Variants in STS observed in about 807,000 individuals in gnomAD.
The protein encoded by STS is steroid sulfatase, also known as steryl-sulfatase.
Under a neutral mutation model 26.8 loss-of-function variants are expected in STS, and 7 were observed. The ratio of observed to expected loss-of-function variants is 0.26; its 90% CI spans 0.15 to 0.49. The LOEUF (loss-of-function observed/expected upper bound fraction) is 0.49, where lower values mean the gene tolerates loss of function less well. STS is among the 20% of genes least tolerant of loss of function. The pLI is 0.98. For synonymous variants in STS, 199 were observed against 189.4 expected (o/e 1.05, Z -0.42); for missense variants, 434 against 465.6 (o/e 0.93, Z 0.63).
At chrX:7,161,969 T>C (rs934186236) in intron 1 of STS, among the ~76,000 whole-genome samples, 10 of 111,556 alleles carry the variant, frequency 9.0e-5, no homozygotes, top group African/African-American at 2.9e-4. Flanking sequence ...GACAGAAATC[T>C]AAAAGCTTTC....
chrX:7,221,937 A>G (rs1358594837), intron 2 of STS, among the ~76,000 whole-genome samples: 1 of 111,266 alleles, frequency 9.0e-6, no homozygotes, highest in Non-Finnish European at 1.9e-5. Flanking sequence ...AACCCCCAAA[A>G]TGATGGTATT....
At chrX:7,251,123 A>G (rs1418432527) in intron 2 of STS, among the ~76,000 whole-genome samples, 3 of 111,927 alleles carry the variant, frequency 2.7e-5, no homozygotes, top group African/African-American at 9.8e-5. Flanking sequence ...GGAGGGGTGC[A>G]AGCTCTTGGC....
At chrX:7,190,140 T>C (rs1276011866) in intron 1 of STS, among the ~76,000 whole-genome samples, 1 of 110,605 alleles carries the variant, frequency 9.0e-6, no homozygotes, top group African/African-American at 3.3e-5. Flanking sequence ...ATGAAGTAAT[T>C]ATACAACTCA....
chrX:7,160,095 G>A (rs771662928), intron 1 of STS, among the ~76,000 whole-genome samples: 1 of 111,920 alleles, frequency 8.9e-6, no homozygotes, highest in Non-Finnish European at 1.9e-5. Flanking sequence ...TTTCTTCTCT[G>A]CTGCTAAGAT....
chrX:7,242,349 A>G (rs1973842184), intron 2 of STS, among the ~76,000 whole-genome samples: 1 of 110,540 alleles, frequency 9.0e-6, no homozygotes, highest in Non-Finnish European at 1.9e-5. Flanking sequence ...AATAACTATA[A>G]TGAACAACTA....
At chrX:7,192,884 C>T (rs1601641058) in intron 2 of STS, among the ~76,000 whole-genome samples, 1 of 112,371 alleles carries the variant, frequency 8.9e-6, no homozygotes, top group African/African-American at 3.2e-5. Flanking sequence ...CTAACCATCC[C>T]ACGGTGCACC....
intron 2 of STS, among the ~76,000 whole-genome samples, chrX:7,219,987 T>C (rs1410081463): frequency 1.8e-5 from 2 of 112,475 alleles, no homozygotes; most frequent in African/African-American, 6.5e-5. Context: ...TGCCAAATTA[T>C]TTGTTAATTA....
chrX:7,225,713 C>A (rs1377107532), intron 2 of STS, among the ~76,000 whole-genome samples: 1 of 111,847 alleles, frequency 8.9e-6, no homozygotes, highest in Non-Finnish European at 1.9e-5. Context: ...GGGTGAGAAC[C>A]CTCCCCAAAT....
In STS at chrX:7,153,100, G is replaced by T. The variant is rs1199608388; in HGVS notation, c.-134+5017G>T. Among the ~76,000 whole-genome samples the T allele has an allele frequency of 3.6e-5, 4 of 111,709 alleles. No individual in the cohort carries two copies. In the East Asian group the frequency reaches 8.5e-4, roughly 24 times the overall value. On this transcript the variant is annotated intron_variant, in intron 1 of 10. Transcript: ENST00000674429. ...GTCCTGCCAGGATTCTCACTGACTAGACATGACTGGACATCTGAGAGAGGG... is the reference window on the plus strand; with the variant it reads ...GTCCTGCCAGGATTCTCACTGACTATACATGACTGGACATCTGAGAGAGGG...
At chrX:7,245,414 A>T (rs377219851) in intron 2 of STS, among the ~76,000 whole-genome samples, 5 of 112,073 alleles carry the variant, frequency 4.5e-5, no homozygotes, top group African/African-American at 1.3e-4. Flanking sequence ...ATAAACATAC[A>T]TTTTTGATTT....
At chrX:7,228,523 T>C (rs1183022068) in intron 2 of STS, among the ~76,000 whole-genome samples, 2 of 112,373 alleles carry the variant, frequency 1.8e-5, no homozygotes, top group Non-Finnish European at 3.8e-5. Flanking sequence ...CATTTGTATG[T>C]GTTCTTCGGA....
chrX:7,324,155 G>T (rs1927235636), intron 8 of STS, among the ~76,000 whole-genome samples: 1 of 108,730 alleles, frequency 9.2e-6, no homozygotes, highest in Non-Finnish European at 1.9e-5. Flanking sequence ...AAGGTAGCAT[G>T]AGTCAAAATC....
chrX:7,219,795 T>C, intron 2 of STS: 1 of 916,920 alleles, frequency 1.1e-6, no homozygotes, highest in Non-Finnish European at 1.6e-6. Flanking sequence ...CCAACATGTG[T>C]TGTCTTGTTC....
At chrX:7,154,210 A>C (rs1933087382) in intron 1 of STS, among the ~76,000 whole-genome samples, 1 of 111,902 alleles carries the variant, frequency 8.9e-6, no homozygotes, top group Admixed American at 9.5e-5. Flanking sequence ...GGAGCTCACC[A>C]CGCAGAGAGC....
In STS at chrX:7,349,971, T is replaced by C; in HGVS notation, c.1447T>C (p.Phe483Leu). ...SNGCFATHVCFCFGSYVTHHD... is the reference protein window; with the variant it reads ...SNGCFATHVCLCFGSYVTHHD... ...CGGATGCTTTGCCACACACGTGTGC[T>C]TCTGTTTCGGGAGTTATGTCACCCA... The change falls in exon 11 of 11, where the codon TTC (phenylalanine) becomes CTC (leucine). Residue 483 changes from phenylalanine (F) to leucine (L), a missense_variant. By Grantham distance (22) the Phe-to-Leu change is conservative. Coordinates refer to ENST00000674429, the MANE Select transcript of STS (RefSeq NM_001320752.2). 3 of 1,211,882 alleles carry C rather than the reference T, an allele frequency of 2.5e-6. No individual in the cohort carries two copies. The highest frequency in any genetic ancestry group is 3.4e-6 in the Non-Finnish European group (3 of 895,484).
chrX:7,192,095 T>G (rs1399217397), intron 2 of STS, among the ~76,000 whole-genome samples: 1 of 111,939 alleles, frequency 8.9e-6, no homozygotes, highest in Non-Finnish European at 1.9e-5. Context: ...AGCAGCTGGC[T>G]CAAAGAAATG....
chrX:7,324,077 A>C (rs771542981), intron 8 of STS, among the ~76,000 whole-genome samples: 2 of 110,599 alleles, frequency 1.8e-5, no homozygotes, highest in Admixed American at 9.7e-5. Flanking sequence ...CTACAGCTTG[A>C]TTTATACATT....
chrX:7,283,928 A>G (rs1188635044), intron 7 of STS, among the ~76,000 whole-genome samples: 2 of 111,098 alleles, frequency 1.8e-5, no homozygotes, highest in African/African-American at 6.6e-5. Flanking sequence ...TGCCTGCTGG[A>G]TGATGAATGG....
chrX:7,238,163 C>CGTGT (rs1251086663), intron 2 of STS, among the ~76,000 whole-genome samples: 2 of 86,833 alleles, frequency 2.3e-5, no homozygotes, highest in African/African-American at 9.1e-5. Context: ...TGTGTGTGTA[C>CGTGT]ACACAATGCG....
Sources: allele counts gnomAD v4.1 joint callset (sites outside exome capture counted in the v4.1 genomes callset), GRCh38; gene constraint gnomAD v4.1.1; transcripts MANE v1.5; gene names NCBI Gene and HGNC (gene_info 2026-07-23, HGNC 2026-07-21).